Variants in LINGO2 observed in about 807,000 individuals in gnomAD.
LINGO2 encodes the protein leucine rich repeat and Ig domain containing 2.
In LINGO2, 14 loss-of-function variants were observed where a neutral mutation model predicts 30.6. That is an observed-to-expected ratio of 0.46 (90% CI 0.30 to 0.72). The LOEUF is 0.72. LINGO2 is among the 30% of genes least tolerant of loss of function. LINGO2 has a pLI of 0.07. For synonymous variants in LINGO2, 317 were observed against 288.5 expected, an observed-to-expected ratio of 1.10 and a Z score of -1.00; for missense variants, 729 against 751.7, an observed-to-expected ratio of 0.97 and a Z score of 0.35.
At chr9:28,630,891 G>GA (rs66593842) in intron 1 of LINGO2, among the ~76,000 whole-genome samples, 57 of 140,376 alleles carry the variant, frequency 4.1e-4, no homozygotes, top group African/African-American at 6.7e-4. Context: ...TGCACATAAA[G>GA]AAAAAAAAAA....
the LINGO2 span, among the ~76,000 whole-genome samples, chr9:29,056,808 C>T: frequency 6.6e-6 from 1 of 151,776 alleles, no homozygotes; most frequent in South Asian, 2.1e-4. Flanking sequence ...CTACATGTGG[C>T]TTTCCAATTA....
intron 5 of LINGO2, among the ~76,000 whole-genome samples, chr9:27,987,571 G>A (rs1821184113): frequency 6.6e-6 from 1 of 151,856 alleles, no homozygotes. Context: ...TATTTGGTTT[G>A]AAGACGTTAG....
upstream of LINGO2, among the ~76,000 whole-genome samples, chr9:28,672,257 C>T (rs75587598): frequency 3.9e-5 from 6 of 152,268 alleles, no homozygotes; most frequent in South Asian, 4.1e-4. Flanking sequence ...TTGCATTTTA[C>T]GAATTTCTGC....
At chr9:28,385,019 A>G (rs771935882) in intron 2 of LINGO2, among the ~76,000 whole-genome samples, 2 of 152,024 alleles carry the variant, frequency 1.3e-5, no homozygotes, top group Non-Finnish European at 2.9e-5. Flanking sequence ...TTCTCCTTTC[A>G]TTCAATTAAT....
the LINGO2 span, among the ~76,000 whole-genome samples, chr9:28,884,980 AATAT>A: frequency 4.2e-5 from 1 of 23,916 alleles, no homozygotes; most frequent in African/African-American, 1.6e-4. Flanking sequence ...TAATATATAT[AATAT>A]ATAATAATAT....
At chr9:28,352,507 C>T (rs1041797983) in intron 3 of LINGO2, among the ~76,000 whole-genome samples, 1 of 122,930 alleles carries the variant, frequency 8.1e-6, no homozygotes, top group Non-Finnish European at 1.7e-5. Flanking sequence ...AAAGAGGATA[C>T]AAAGAAATGG....
chr9:28,148,791 G>T lies in LINGO2; in HGVS notation c.-86-136386C>A. 6.5e-7 allele frequency: 1 copy of T among 1,534,048 alleles called. No homozygotes were observed. Among genetic ancestry groups the T allele is most frequent in the East Asian group, 2.4e-5 (1 of 40,892 alleles). ...GTGCTCCCTGCCCCAGTTCCAGGCT[G>T]CTCCCTGTGGCCAGAGAAGGCGGCC... On this transcript the variant is annotated intron_variant, in intron 4 of 5. Coordinates refer to ENST00000379992, the Ensembl canonical transcript of LINGO2. This position sits in a 1 kb window ranked among gnomAD's most constrained non-coding sequence, Gnocchi z 5.1.
At chr9:28,978,838 G>A in the LINGO2 span, among the ~76,000 whole-genome samples, 1 of 85,432 alleles carries the variant, frequency 1.2e-5, no homozygotes, top group Non-Finnish European at 3.0e-5. Flanking sequence ...CAGATATTCT[G>A]AAGAGTGTTG....
chr9:28,893,681 T>C, the LINGO2 span, among the ~76,000 whole-genome samples: 2 of 152,070 alleles, frequency 1.3e-5, no homozygotes, highest in Non-Finnish European at 2.9e-5. Flanking sequence ...GTATGTTTCA[T>C]ATTTCTATTG....
At chr9:29,207,130 C>A in the LINGO2 span, among the ~76,000 whole-genome samples, 1 of 150,892 alleles carries the variant, frequency 6.6e-6, no homozygotes, top group Admixed American at 6.6e-5. Flanking sequence ...TATACATAGA[C>A]AGAATATATA....
chr9:28,421,022 T>G (rs1823172565), intron 2 of LINGO2, among the ~76,000 whole-genome samples: 1 of 152,036 alleles, frequency 6.6e-6, no homozygotes, highest in Non-Finnish European at 1.5e-5. Flanking sequence ...CACTTAATAA[T>G]AAGCCATTTA....
At chr9:28,728,174 G>T in the LINGO2 span, among the ~76,000 whole-genome samples, 1 of 152,018 alleles carries the variant, frequency 6.6e-6, no homozygotes, top group African/African-American at 2.4e-5. Flanking sequence ...CTCACTTTTT[G>T]CAACCTATTT....
the LINGO2 span, among the ~76,000 whole-genome samples, chr9:28,836,710 C>T: frequency 6.6e-6 from 1 of 151,404 alleles, no homozygotes; most frequent in Non-Finnish European, 1.5e-5. Context: ...GAGCTTAATA[C>T]ATCAGAACTC....
At chr9:28,301,970 C>T (rs956074130) in intron 3 of LINGO2, among the ~76,000 whole-genome samples, 85 of 152,186 alleles carry the variant, frequency 5.6e-4, no homozygotes, top group African/African-American at 2.0e-3. Flanking sequence ...CTATGTCCAG[C>T]CAAACTAAGC....
At chr9:28,675,928 TACACAC>T in the LINGO2 span, among the ~76,000 whole-genome samples, 447 of 135,676 alleles carry the variant, frequency 3.3e-3, 5 homozygotes, top group African/African-American at 0.012. Flanking sequence ...TATATATACA[TACACAC>T]ACACACACAC....
At chr9:28,755,412 C>T in the LINGO2 span, among the ~76,000 whole-genome samples, 9,261 of 152,094 alleles carry the variant, frequency 0.061, 446 homozygotes, top group South Asian at 0.22. Flanking sequence ...CATGGAATAA[C>T]ATTTTCCTCA....
chr9:28,120,916 C>T (rs778669602), intron 4 of LINGO2, among the ~76,000 whole-genome samples: 1 of 152,124 alleles, frequency 6.6e-6, no homozygotes, highest in African/African-American at 2.4e-5. Flanking sequence ...AGAAACAAAA[C>T]TGCCTGGATT....
At chr9:28,539,409 A>G (rs1429189878) in intron 1 of LINGO2, among the ~76,000 whole-genome samples, 1 of 152,174 alleles carries the variant, frequency 6.6e-6, no homozygotes, top group Admixed American at 6.6e-5. Context: ...TTCTCTTCAT[A>G]TATAATTAAC....
At chr9:28,687,936 A>C in the LINGO2 span, among the ~76,000 whole-genome samples, 3 of 152,138 alleles carry the variant, frequency 2.0e-5, no homozygotes, top group Non-Finnish European at 2.9e-5. Context: ...ATGAGCAAAG[A>C]CTCTGTGAAT....
Sources: gnomAD v4.1 joint callset for allele counts (sites outside exome capture counted in the v4.1 genomes callset) on GRCh38, gnomAD v4.1.1 for gene constraint, Gnocchi (gnomAD v3.1) non-coding constraint, MANE v1.5 for transcripts, NCBI Gene and HGNC (gene_info 2026-07-23, HGNC 2026-07-21) for gene names.